The following HSD17B12 variants were observed in gnomAD, a reference collection of about 807,000 sequenced individuals.
HSD17B12 encodes the protein hydroxysteroid 17-beta dehydrogenase 12.
In HSD17B12, 32 loss-of-function variants were observed where a neutral mutation model predicts 39.3. That is an observed-to-expected ratio of 0.81 (90% CI 0.61 to 1.09). HSD17B12 has a LOEUF of 1.09. Among genes scored for constraint, HSD17B12 ranks in the 50% least tolerant of loss-of-function variants. The pLI, the probability that HSD17B12 is intolerant of heterozygous loss-of-function variation, is 0.00. For synonymous variants in HSD17B12, 150 were observed against 146.7 expected, an observed-to-expected ratio of 1.02 and a Z score of -0.16; for missense variants, 342 against 382.9, an observed-to-expected ratio of 0.89 and a Z score of 0.89.
At chr11:43,674,767 G>A in the HSD17B12 span, among the ~76,000 whole-genome samples, 8 of 152,096 alleles carry the variant, frequency 5.3e-5, no homozygotes, top group African/African-American at 7.2e-5. Context: ...CCTTCATTCC[G>A]GTGTTGATTG....
chr11:43,842,187 C>T (rs983641331), intron 9 of HSD17B12, among the ~76,000 whole-genome samples: 1 of 152,192 alleles, frequency 6.6e-6, no homozygotes, highest in Non-Finnish European at 1.5e-5. Context: ...TGGTTAGTTC[C>T]ATTTCCTCCT....
intron 3 of HSD17B12, among the ~76,000 whole-genome samples, chr11:43,792,802 C>T (rs758333907): frequency 2.7e-5 from 4 of 148,274 alleles, no homozygotes; most frequent in South Asian, 2.1e-4. Context: ...GTACTACAGG[C>T]GTGCACCACC....
intron 1 of HSD17B12, among the ~76,000 whole-genome samples, chr11:43,686,271 G>A (rs901217440): frequency 6.6e-6 from 1 of 152,154 alleles, no homozygotes; most frequent in Non-Finnish European, 1.5e-5. Flanking sequence ...GGAAGGTGAG[G>A]GAAGGCAGAG....
the HSD17B12 span, among the ~76,000 whole-genome samples, chr11:43,616,017 A>T: frequency 6.6e-6 from 1 of 152,166 alleles, no homozygotes; most frequent in South Asian, 2.1e-4. Flanking sequence ...TGAGAGCGAG[A>T]GTGTAAAAAA....
the HSD17B12 span, among the ~76,000 whole-genome samples, chr11:43,651,431 A>G: frequency 2.6e-5 from 4 of 152,364 alleles, no homozygotes; most frequent in Non-Finnish European, 5.9e-5. Context: ...GAGATCAGTT[A>G]CAGAAGTATG....
chr11:43,756,709 G>A (rs1565076656), intron 3 of HSD17B12, among the ~76,000 whole-genome samples: 1 of 152,194 alleles, frequency 6.6e-6, no homozygotes, highest in Non-Finnish European at 1.5e-5. Flanking sequence ...ACTCGATACA[G>A]AAACAAGAAA....
At chr11:43,630,526 A>G in the HSD17B12 span, among the ~76,000 whole-genome samples, 1 of 152,182 alleles carries the variant, frequency 6.6e-6, no homozygotes, top group African/African-American at 2.4e-5. Context: ...GGACAAGCAT[A>G]TCTAGGTATC....
At chr11:43,767,636 A>AG (rs1220248229) in intron 3 of HSD17B12, among the ~76,000 whole-genome samples, 2 of 152,178 alleles carry the variant, frequency 1.3e-5, no homozygotes, top group African/African-American at 2.4e-5. Context: ...AATTTAAATG[A>AG]CCTAGCGTTA....
At chr11:43,658,139 A>G in the HSD17B12 span, among the ~76,000 whole-genome samples, 3 of 151,932 alleles carry the variant, frequency 2.0e-5, no homozygotes, top group African/African-American at 7.3e-5. Flanking sequence ...GCTTCATTTC[A>G]TTCATTTCAT....
intron 3 of HSD17B12, among the ~76,000 whole-genome samples, chr11:43,790,327 G>T (rs771777219): frequency 1.3e-5 from 2 of 152,116 alleles, no homozygotes; most frequent in Non-Finnish European, 2.9e-5. Flanking sequence ...GAAAAAATAT[G>T]CAGCTGATGC....
the HSD17B12 span, among the ~76,000 whole-genome samples, chr11:43,616,432 A>C: frequency 2.5e-4 from 37 of 150,938 alleles, 1 homozygote; most frequent in Admixed American, 9.9e-4. Flanking sequence ...AAACAAAAAA[A>C]AAACAAACAA....
chr11:43,753,181 C>T (rs12291163), intron 2 of HSD17B12, among the ~76,000 whole-genome samples: 7,467 of 152,094 alleles, frequency 0.049, 215 homozygotes, highest in Non-Finnish European at 0.054. Flanking sequence ...CTTACATATG[C>T]TGGGTATGTA....
intron 1 of HSD17B12, chr11:43,734,487 A>T: frequency 1.6e-6 from 1 of 640,228 alleles, no homozygotes; most frequent in Non-Finnish European, 2.9e-6. Flanking sequence ...GTCGTGGAGG[A>T]CATTGCATAC....
chr11:43,777,386 C>T (rs1397979551), intron 3 of HSD17B12, among the ~76,000 whole-genome samples: 3 of 152,150 alleles, frequency 2.0e-5, no homozygotes, highest in Non-Finnish European at 4.4e-5. Context: ...TGGGAGTTCA[C>T]TCATGATTTG....
chr11:43,590,505 G>GTTTTTTTTTTTTTTTTTTT, the HSD17B12 span, among the ~76,000 whole-genome samples: 1 of 47,870 alleles, frequency 2.1e-5, no homozygotes, highest in Non-Finnish European at 4.5e-5. Context: ...TGGAGTGAGT[G>GTTTTTTTTTTTTTTTTTTT]ATTTTTTTTT....
chr11:43,746,120 G>A (rs916643578), intron 1 of HSD17B12, among the ~76,000 whole-genome samples: 2 of 152,204 alleles, frequency 1.3e-5, no homozygotes, highest in Non-Finnish European at 2.9e-5. Context: ...AGTGAGTGGT[G>A]AGTGAATGTG....
At chr11:43,826,308 C>T (rs1049457625) in intron 6 of HSD17B12, among the ~76,000 whole-genome samples, 16 of 152,046 alleles carry the variant, frequency 1.1e-4, no homozygotes, top group African/African-American at 3.4e-4. Flanking sequence ...TGGTCTCGAT[C>T]TCCTGACCTC....
chr11:43,636,667 G>A, the HSD17B12 span, among the ~76,000 whole-genome samples: 3 of 151,666 alleles, frequency 2.0e-5, no homozygotes, highest in Non-Finnish European at 4.4e-5. Flanking sequence ...AATAATAATT[G>A]CTGACATTTC....
In HSD17B12 at chr11:43,746,933, A is replaced by G. The variant is rs11037597; in HGVS notation, c.161-3978A>G. On this transcript the variant is annotated intron_variant, in intron 1 of 10. Coordinates refer to ENST00000278353, the MANE Select transcript of HSD17B12 (RefSeq NM_016142.3). ...CCAAAACATTGTTATGCAGCTGCTG[A>G]CTGTATGTGGTTTGCTTGCTCCACA... 3.9e-3 allele frequency among the ~76,000 whole-genome samples: 596 copies of G among 152,320 alleles called. 6 individuals are homozygous for G. In the East Asian group the frequency reaches 0.045, roughly 11 times the overall value.
Sources: allele counts gnomAD v4.1 joint callset (sites outside exome capture counted in the v4.1 genomes callset), GRCh38; gene constraint gnomAD v4.1.1; transcripts MANE v1.5; gene names NCBI Gene and HGNC (gene_info 2026-07-23, HGNC 2026-07-21).